The following FRMD1 variants were observed in gnomAD, a reference collection of about 807,000 sequenced individuals.
FRMD1 encodes FERM domain containing 1, also known as FERM domain-containing protein 1.
Under a neutral mutation model 54.9 loss-of-function variants are expected in FRMD1, and 51 were observed. That is an observed-to-expected ratio of 0.93 (90% confidence interval 0.74 to 1.17). FRMD1 has a LOEUF of 1.17. Ranked by LOEUF, FRMD1 falls within the 50% of genes most tolerant of loss-of-function variation. The pLI, the probability that FRMD1 is intolerant of heterozygous loss-of-function variation, is 0.00. For synonymous variants in FRMD1, 324 were observed against 306.4 expected (o/e 1.06, Z -0.60); for missense variants, 729 against 743.0 (o/e 0.98, Z 0.22).
At chr6:168,084,650 T>C (rs1800888172), upstream of FRMD1, among the ~76,000 whole-genome samples, 1 of 152,116 alleles carries the variant, frequency 6.6e-6, no homozygotes. Flanking sequence ...CCCGGCTCCC[T>C]CCGTGAGAGC....
intron 7 of FRMD1, chr6:168,062,553 G>T: frequency 9.2e-7 from 1 of 1,083,576 alleles, no homozygotes; most frequent in Non-Finnish European, 1.3e-6. Context: ...ATGCCCCCGA[G>T]AGGCCGGCAG....
chr6:168,057,758 G>A (rs774344528), intron 10 of FRMD1: 11 of 184,566 alleles, frequency 6.0e-5, no homozygotes, highest in African/African-American at 2.2e-4. Flanking sequence ...CCAAGGTCCC[G>A]TCCAGGTGGG....
At position 168,054,868 on chromosome 6, in the gene FRMD1, C is replaced by G. The variant is rs1477374689; in HGVS notation, c.*2229G>C. ...GCTGAGGCTCAAGCCTTAGGGGAGT[C>G]TGCCCCGGCCCCGGCTGGGTGTGTC... On this transcript the variant is annotated 3_prime_UTR_variant, in exon 11 of 11. Coordinates refer to ENST00000283309, the MANE Select transcript of FRMD1 (RefSeq NM_024919.6). 6.6e-6 allele frequency: 1 copy of G among 152,270 alleles called. No homozygotes were observed. The highest frequency in any genetic ancestry group is 2.4e-5 in the African/African-American group (1 of 41,434). The allele number at this position is 152,270 out of a possible 1,614,324, so 9.4% of individuals were successfully genotyped here. A position where few individuals can be genotyped will look rare whatever the true frequency, so the allele number is the denominator to read the frequency against.
chr6:168,057,376 C>T lies in FRMD1; in HGVS notation c.1408-37G>A, dbSNP rs755362891. 4.4e-6 allele frequency: 7 copies of T among 1,595,980 alleles called. No homozygotes were observed. In the South Asian group the frequency reaches 6.7e-5, roughly 15 times the overall value. On this transcript the variant is annotated intron_variant, in intron 10 of 10. Transcript: ENST00000283309. ...GGCCATGGGATGAGGCCTGCTGCCC[C>T]CTCTCACTCCCACCACCGCACACGG...
At chr6:168,091,664 G>A (rs771191680) in intron 1 of FRMD1, among the ~76,000 whole-genome samples, 44 of 152,350 alleles carry the variant, frequency 2.9e-4, no homozygotes, top group African/African-American at 5.1e-4. Context: ...TGGTGCTGCC[G>A]GCCCAGGGAC....
rs1413438936 is a variant in FRMD1 at position 168,064,875 on chromosome 6, T to C, written c.644A>G (p.Gln215Arg). 5.1e-6 allele frequency: 8 copies of C among 1,563,300 alleles called. No homozygotes were observed. Among genetic ancestry groups the C allele is most frequent in the African/African-American group, 1.4e-5 (1 of 73,568 alleles). ...GGAGGTGGGCCCTGACCTTACCCACTGTGGGAAGTAGGAGTGTGGCTCGAA... is the reference window on the plus strand; with the variant it reads ...GGAGGTGGGCCCTGACCTTACCCACCGTGGGAAGTAGGAGTGTGGCTCGAA... ...RYFEPHSYFP[Q>R]WIITKRGIDY... is the part of the protein sequence containing the mutation. The change falls in exon 5 of 11, where the codon CAG becomes CGG. Residue 215 changes from glutamine to arginine, a missense_variant. By Grantham distance (43) the Gln-to-Arg change is conservative. Coordinates refer to ENST00000283309, the MANE Select transcript of FRMD1 (RefSeq NM_024919.6).
chr6:168,058,338 CCA>C (rs1799526130), intron 10 of FRMD1, among the ~76,000 whole-genome samples: 1 of 127,554 alleles, frequency 7.8e-6, no homozygotes, highest in African/African-American at 2.8e-5. Context: ...TTCTCTCTCT[CCA>C]TGCAGCCTCT....
In FRMD1 at chr6:168,062,631, C is replaced by T. The variant is rs536302165; in HGVS notation, c.870+263G>A. 2.7e-5 allele frequency: 41 copies of T among 1,537,762 alleles called. No homozygotes were observed. The Admixed American group carries it at 7.5e-4, about 28-fold the overall frequency. On this transcript the variant is annotated intron_variant, in intron 7 of 10. Coordinates refer to ENST00000283309, the MANE Select transcript of FRMD1 (RefSeq NM_024919.6). ...TGCCCCGAGGATGAAGCTGCATCTGCCCAGGCTTTCCAGGGCACGGGGACC... is the reference window on the plus strand; with the variant it reads ...TGCCCCGAGGATGAAGCTGCATCTGTCCAGGCTTTCCAGGGCACGGGGACC...
chr6:168,090,955 T>G (rs1322522295), intron 1 of FRMD1, among the ~76,000 whole-genome samples: 1 of 152,206 alleles, frequency 6.6e-6, no homozygotes, highest in Non-Finnish European at 1.5e-5. Context: ...GGCCATTTGC[T>G]GGAGACCTCA....
chr6:168,069,277 G>A (rs116704268), intron 2 of FRMD1, among the ~76,000 whole-genome samples: 1,550 of 152,278 alleles, frequency 0.01, 37 homozygotes, highest in African/African-American at 0.034. Flanking sequence ...GCACCCACTC[G>A]CTCTTGTTAA....
At chr6:168,088,305 G>A (rs372223394) in intron 1 of FRMD1, among the ~76,000 whole-genome samples, 100 of 152,320 alleles carry the variant, frequency 6.6e-4, no homozygotes, top group African/African-American at 2.2e-3. Flanking sequence ...TGGGTGCTCG[G>A]GTTCAGTGCC....
upstream of FRMD1, chr6:168,081,268 T>C (rs1800822071): frequency 2.0e-5 from 27 of 1,343,682 alleles, no homozygotes; most frequent in Admixed American, 4.5e-4. Context: ...AGAACCTCTG[T>C]CCTCAGCTCA....
chr6:168,075,990 T>A, intron 1 of FRMD1: 10 of 1,019,538 alleles, frequency 9.8e-6, no homozygotes, highest in Non-Finnish European at 1.4e-5. Context: ...GTCTCGCATG[T>A]GACACTACTT....
Position 168,077,412 on chromosome 6 carries a change from CTG to C in FRMD1, c.213+1468_213+1469del, listed in dbSNP as rs1310196989. Reference sequence around the variant, plus strand: ...CCTGTCTAACTGCAGACATAGATGACTGCACAACCCAGTGAGGGGTTCCTGTC... The same window carrying C: ...CCTGTCTAACTGCAGACATAGATGACCACAACCCAGTGAGGGGTTCCTGTC... On this transcript the variant is annotated intron_variant, in intron 1 of 10. Coordinates refer to ENST00000283309, the MANE Select transcript of FRMD1 (RefSeq NM_024919.6). 6.0e-5 allele frequency among the ~76,000 whole-genome samples: 7 copies of C among 115,820 alleles called. 3 individuals carry two copies. The highest frequency in any genetic ancestry group is 2.1e-4 in the African/African-American group (7 of 33,752). 76.0% of individuals were successfully genotyped at this position (115,820 alleles called of 152,430 possible).
intron 4 of FRMD1, 77 bp from the exon 5 acceptor site, chr6:168,065,134 C>A: frequency 6.6e-7 from 1 of 1,506,796 alleles, no homozygotes; most frequent in Non-Finnish European, 8.9e-7. Context: ...CCTTGTCCCT[C>A]CCCACACCAG....
At chr6:168,066,670 A>C in intron 4 of FRMD1, 85 bp downstream of exon 4, 6 of 1,487,840 alleles carry the variant, frequency 4.0e-6, no homozygotes, top group Non-Finnish European at 5.4e-6. Context: ...CTCAAATGTA[A>C]TGTGTGGCCT....
At chr6:168,060,407 G>A (rs1799659804) in intron 9 of FRMD1, among the ~76,000 whole-genome samples, 1 of 151,820 alleles carries the variant, frequency 6.6e-6, no homozygotes, top group Non-Finnish European at 1.5e-5. Flanking sequence ...CTTCCTAGGA[G>A]TGGGAGGGGC....
chr6:168,090,172 T>C (rs905917283), intron 1 of FRMD1, among the ~76,000 whole-genome samples: 23 of 151,986 alleles, frequency 1.5e-4, no homozygotes, highest in African/African-American at 4.4e-4. Context: ...GTCTCCCTCC[T>C]GAATGTTGGC....
In FRMD1 at chr6:168,056,960, A is replaced by G. The variant is rs115748909; in HGVS notation, c.*137T>C. ...TCAGAGCCAGCTCCACACCTCTTAC[A>G]GGTGAACCTGTGGAGCGTGCTGGCT... On this transcript the variant is annotated 3_prime_UTR_variant, in exon 11 of 11. Coordinates refer to ENST00000283309, the MANE Select transcript of FRMD1 (RefSeq NM_024919.6). The G allele has an allele frequency of 4.0e-3, 4,310 of 1,064,308 alleles. 58 individuals carry two copies. Among genetic ancestry groups the G allele is most frequent in the African/African-American group, 0.04 (2,436 of 61,124 alleles). The allele number at this position is 1,064,308 out of a possible 1,614,324, so 65.9% of individuals were successfully genotyped here.
Sources: allele counts gnomAD v4.1 joint callset (sites outside exome capture counted in the v4.1 genomes callset), GRCh38; gene constraint gnomAD v4.1.1; transcripts MANE v1.5; gene names NCBI Gene and HGNC (gene_info 2026-07-23, HGNC 2026-07-21).